CSMD1: variants seen among roughly 807,000 people sequenced by gnomAD.
The protein encoded by CSMD1 is CUB and sushi domain-containing protein 1.
A neutral mutation model predicts 417.5 loss-of-function variants in CSMD1; 213 were observed. The ratio of observed to expected loss-of-function variants is 0.51; its 90% confidence interval spans 0.46 to 0.57. The LOEUF is 0.57. CSMD1 is among the 20% of genes least tolerant of loss of function. The pLI is 0.00. For missense variants in CSMD1, 6,923 were observed against 4,529.7 expected (o/e 1.53, Z -15.17); for synonymous variants, 2,862 against 1,736.8 (o/e 1.65, Z -16.11).
At chr8:4,060,262 C>G (rs1288857693) in intron 3 of CSMD1, among the ~76,000 whole-genome samples, 1 of 152,036 alleles carries the variant, frequency 6.6e-6, no homozygotes, top group Non-Finnish European at 1.5e-5. Flanking sequence ...GCTAAAAACT[C>G]TCAATAAATT....
intron 3 of CSMD1, among the ~76,000 whole-genome samples, chr8:4,292,601 T>G (rs569971799): frequency 1.3e-5 from 2 of 152,202 alleles, no homozygotes; most frequent in African/African-American, 2.4e-5. Flanking sequence ...ACTATAAGAT[T>G]AATACATGTA....
intron 1 of CSMD1, among the ~76,000 whole-genome samples, chr8:4,889,586 CA>C (rs1025564187): frequency 1.3e-5 from 2 of 150,814 alleles, no homozygotes; most frequent in African/African-American, 4.9e-5. Context: ...TGTGAAATGT[CA>C]AAAAAATAGA....
At chr8:3,332,108 T>C (rs146187744) in intron 23 of CSMD1, among the ~76,000 whole-genome samples, 152 of 152,320 alleles carry the variant, frequency 1.0e-3, no homozygotes, top group African/African-American at 3.3e-3. Context: ...TACGTAGGGA[T>C]AGATGATAGA....
intron 2 of CSMD1, among the ~76,000 whole-genome samples, chr8:4,623,009 A>G (rs1266813559): frequency 6.6e-6 from 1 of 152,180 alleles, no homozygotes; most frequent in East Asian, 1.9e-4. Context: ...AACATAAATT[A>G]GACTTTTTTA....
chr8:3,591,551 T>G (rs1031072135), intron 8 of CSMD1, among the ~76,000 whole-genome samples: 1 of 152,188 alleles, frequency 6.6e-6, no homozygotes, highest in East Asian at 1.9e-4. Flanking sequence ...GGAAATGGGT[T>G]GACTTAGCTG....
At chr8:2,962,922 C>A (rs1165265868) in intron 60 of CSMD1, among the ~76,000 whole-genome samples, 15 of 152,080 alleles carry the variant, frequency 9.9e-5, no homozygotes, top group Admixed American at 8.5e-4. Context: ...GTGGCACACA[C>A]CTGTAGTCCC....
intron 1 of CSMD1, among the ~76,000 whole-genome samples, chr8:4,719,572 C>T (rs1006060730): frequency 5.6e-5 from 8 of 141,682 alleles, no homozygotes. Context: ...ATTATTGCAT[C>T]CTTTCTAAGA....
chr8:3,298,519 T>A (rs372449420), intron 25 of CSMD1, among the ~76,000 whole-genome samples: 1 of 152,224 alleles, frequency 6.6e-6, no homozygotes, highest in Non-Finnish European at 1.5e-5. Context: ...AATGGAATGA[T>A]CGTGGCTCAC....
intron 5 of CSMD1, among the ~76,000 whole-genome samples, chr8:3,868,930 C>G (rs535450535): frequency 5.9e-5 from 9 of 152,282 alleles, no homozygotes; most frequent in Admixed American, 3.9e-4. Context: ...GCTAACACCC[C>G]AGAGCCAAAG....
intron 3 of CSMD1, among the ~76,000 whole-genome samples, chr8:4,314,543 G>C (rs950274756): frequency 1.3e-5 from 2 of 152,084 alleles, no homozygotes; most frequent in African/African-American, 2.4e-5. Context: ...AAATACTAAA[G>C]ATGATTCTAA....
At chr8:3,994,923 A>T (rs992230239) in intron 5 of CSMD1, among the ~76,000 whole-genome samples, 1 of 152,104 alleles carries the variant, frequency 6.6e-6, no homozygotes, top group Non-Finnish European at 1.5e-5. Context: ...GGAAGATCAT[A>T]TGTGTATCTG....
intron 2 of CSMD1, among the ~76,000 whole-genome samples, chr8:4,471,763 C>G (rs578115726): frequency 6.6e-6 from 1 of 152,026 alleles, no homozygotes; most frequent in Non-Finnish European, 1.5e-5. Context: ...ATTTCTTTAG[C>G]GTCACAAAGG....
chr8:4,405,275 A>G (rs558977010), intron 3 of CSMD1, among the ~76,000 whole-genome samples: 1 of 152,322 alleles, frequency 6.6e-6, no homozygotes, highest in East Asian at 1.9e-4. Context: ...AAAAAGGAAA[A>G]TGATATTATC....
At chr8:4,033,518 G>T (rs879528924) in intron 3 of CSMD1, among the ~76,000 whole-genome samples, 2 of 152,100 alleles carry the variant, frequency 1.3e-5, no homozygotes, top group Admixed American at 6.5e-5. Flanking sequence ...CAGTTGTCCC[G>T]CCTTTCCAGA....
rs1371069118 is a variant in CSMD1, at chr8:3,583,631, G to C, written c.1222+2505C>G. ...ACATGATAGGAAAGACATAAACTGA[G>C]GGGAGGACTATCAAACAAACAGGAA... On this transcript the variant is annotated intron_variant, in intron 9 of 69. Transcript: ENST00000635120. 2.6e-5 allele frequency among the ~76,000 whole-genome samples: 4 copies of C among 151,962 alleles called. No individual in the cohort carries two copies. The East Asian group carries it at 7.8e-4, about 29-fold the overall frequency.
chr8:4,868,540 T>C (rs927866385), intron 1 of CSMD1, among the ~76,000 whole-genome samples: 3 of 152,066 alleles, frequency 2.0e-5, no homozygotes, highest in East Asian at 1.9e-4. Flanking sequence ...TTAGTGTTAG[T>C]GGGATCATTA....
intron 2 of CSMD1, among the ~76,000 whole-genome samples, chr8:4,548,729 G>A (rs926213670): frequency 6.6e-6 from 1 of 152,020 alleles, no homozygotes; most frequent in Non-Finnish European, 1.5e-5. Flanking sequence ...CAGTTGTCAA[G>A]GTAATTACAG....
At chr8:3,667,237 A>C (rs1196982035) in intron 7 of CSMD1, among the ~76,000 whole-genome samples, 1 of 152,206 alleles carries the variant, frequency 6.6e-6, no homozygotes, top group Non-Finnish European at 1.5e-5. Flanking sequence ...TAGTCCCTAC[A>C]TTATATTAAT....
intron 3 of CSMD1, among the ~76,000 whole-genome samples, chr8:4,034,578 T>C (rs903052280): frequency 1.3e-5 from 2 of 152,176 alleles, no homozygotes; most frequent in African/African-American, 4.8e-5. Context: ...CCTTCAACTT[T>C]TGACTCAGAA....
Sources: allele counts gnomAD v4.1 joint callset (sites outside exome capture counted in the v4.1 genomes callset), GRCh38; gene constraint gnomAD v4.1.1; transcripts MANE v1.5; gene names NCBI Gene and HGNC (gene_info 2026-07-23, HGNC 2026-07-21).